The following ANK3 variants were observed in gnomAD, a reference collection of about 807,000 sequenced individuals.
The protein encoded by ANK3 is ankyrin 3, also known as ankyrin-3.
Under a neutral mutation model 370.9 loss-of-function variants are expected in ANK3, and 57 were observed. The ratio of observed to expected loss-of-function variants is 0.15; its 90% CI spans 0.12 to 0.19. The LOEUF (loss-of-function observed/expected upper bound fraction) is 0.19, where lower values mean the gene tolerates loss of function less well. Ranked by LOEUF, ANK3 falls within the 10% of genes least tolerant of loss-of-function variation. ANK3 has a pLI of 1.00. For missense variants in ANK3, 4,439 were observed against 5,302.1 expected (o/e 0.84, Z 5.06); for synonymous variants, 1,929 against 1,946.3 (o/e 0.99, Z 0.23).
chr10:60,442,893 T>C (rs372527361), intron 2 of ANK3, among the ~76,000 whole-genome samples: 61 of 152,320 alleles, frequency 4.0e-4, no homozygotes, highest in Admixed American at 1.6e-3. Context: ...AACATACTTA[T>C]AGAGACAATT....
intron 2 of ANK3, among the ~76,000 whole-genome samples, chr10:60,597,453 A>G (rs1446841543): frequency 6.6e-6 from 1 of 152,182 alleles, no homozygotes; most frequent in Non-Finnish European, 1.5e-5. Flanking sequence ...TACTGTATGT[A>G]TTTAGCAGCC....
chr10:60,037,612 G>T (rs771020130), intron 43 of ANK3, among the ~76,000 whole-genome samples: 1 of 144,726 alleles, frequency 6.9e-6, no homozygotes, highest in South Asian at 2.3e-4. Context: ...TCCTGCAAAG[G>T]ACATGCTCTC....
intron 2 of ANK3, among the ~76,000 whole-genome samples, chr10:60,462,617 T>C (rs1420181659): frequency 6.6e-6 from 1 of 150,892 alleles, no homozygotes; most frequent in Non-Finnish European, 1.5e-5. Context: ...TGGGCAGTCA[T>C]GTACTGTTAG....
intron 1 of ANK3, among the ~76,000 whole-genome samples, chr10:60,706,191 C>T (rs1469059768): frequency 6.6e-6 from 1 of 152,190 alleles, no homozygotes; most frequent in Admixed American, 6.5e-5. Flanking sequence ...GGCCATCTTG[C>T]ACAAGCACCA....
At chr10:60,638,672 G>A (rs980950460) in intron 1 of ANK3, among the ~76,000 whole-genome samples, 8 of 151,730 alleles carry the variant, frequency 5.3e-5, no homozygotes, top group Non-Finnish European at 7.4e-5. Flanking sequence ...ATAATAAAGA[G>A]AGAACTAAAA....
chr10:60,644,175 G>A lies in ANK3; in HGVS notation c.58-28951C>T, dbSNP rs147852510. Among the ~76,000 whole-genome samples the A allele has an allele frequency of 3.3e-5, 5 of 152,204 alleles. No individual in the cohort carries two copies. The South Asian group carries it at 6.2e-4, about 19-fold the overall frequency. On this transcript the variant is annotated intron_variant, in intron 1 of 43. Transcript: ENST00000373827. ...AGTAATGAATGTAAGATGACTTCTC[G>A]TCTCTTGGTTTTATCTACACTCACC...
rs914161361 is a variant in ANK3 at position 60,732,992 on chromosome 10, C to A, written c.57+271G>T. On this transcript the variant is annotated intron_variant, in intron 1 of 43. Transcript: ENST00000373827. The stretch of plus-strand genomic sequence containing the variant: ...CAAGCAGAAGCCCCAAGTCCTCGGG[C>A]CCCCCTCTCTCCTGGGGATGCTCCA... 4.6e-5 allele frequency among the ~76,000 whole-genome samples: 7 copies of A among 151,988 alleles called. No individual in the cohort carries two copies. The Middle Eastern group carries it at 0.01, about 222-fold the overall frequency.
At chr10:60,111,749 G>A (rs1283288338) in intron 26 of ANK3, 1 of 456,046 alleles carries the variant, frequency 2.2e-6, no homozygotes, top group Non-Finnish European at 4.4e-6. Flanking sequence ...ATCATACTGA[G>A]GAAGTGGAGA....
intron 13 of ANK3, among the ~76,000 whole-genome samples, chr10:60,198,979 GAGGA>G (rs1565625326): frequency 6.6e-6 from 1 of 152,202 alleles, no homozygotes; most frequent in African/African-American, 2.4e-5. Flanking sequence ...AGCAGAGTGT[GAGGA>G]AGGCAGTGTG....
intron 1 of ANK3, among the ~76,000 whole-genome samples, chr10:60,706,895 C>A (rs1358076682): frequency 6.6e-6 from 1 of 152,070 alleles, no homozygotes; most frequent in African/African-American, 2.4e-5. Context: ...TGAGTTTGAA[C>A]TTGAAATTCC....
chr10:60,160,084 T>A (rs1222818264), intron 23 of ANK3, among the ~76,000 whole-genome samples: 2 of 151,642 alleles, frequency 1.3e-5, no homozygotes, highest in African/African-American at 4.8e-5. Context: ...GTAGGAAAAA[T>A]TGAGACTAAA....
rs76944022 is a variant in ANK3, at chr10:60,053,364, T to C, written c.13065+2294A>G. Among the ~76,000 whole-genome samples, 719 of 152,296 alleles carry C rather than the reference T, an allele frequency of 4.7e-3. 3 individuals are homozygous for C. Among genetic ancestry groups the C allele is most frequent in the Non-Finnish European group, 8.2e-3 (556 of 68,034 alleles). ...GGGTGAATTCAAAAGTAGAAGAGCA[T>C]CTATGTTAAAGCAAACACAAACAAC... On this transcript the variant is annotated intron_variant, in intron 42 of 43. Transcript: ENST00000280772.
chr10:60,616,882 T>G (rs2078275044), intron 1 of ANK3, among the ~76,000 whole-genome samples: 1 of 152,210 alleles, frequency 6.6e-6, no homozygotes, highest in Non-Finnish European at 1.5e-5. Flanking sequence ...AAATGCTTTT[T>G]TATTTCATAG....
At chr10:60,131,622 C>G (rs772105669) in intron 25 of ANK3, among the ~76,000 whole-genome samples, 1 of 152,218 alleles carries the variant, frequency 6.6e-6, no homozygotes, top group Non-Finnish European at 1.5e-5. Context: ...GCTGCCCCCA[C>G]AGTCTACCTG....
chr10:60,658,222 T>TAA (rs201886631), intron 1 of ANK3, among the ~76,000 whole-genome samples: 3 of 149,350 alleles, frequency 2.0e-5, no homozygotes, highest in African/African-American at 7.4e-5. Flanking sequence ...GTTTGCCTTT[T>TAA]AAAAAAAAAA....
intron 2 of ANK3, among the ~76,000 whole-genome samples, chr10:60,603,545 C>T (rs1199289384): frequency 4.6e-5 from 7 of 151,974 alleles, no homozygotes; most frequent in Non-Finnish European, 7.4e-5. Flanking sequence ...TTCATTTCTT[C>T]AAATAATTTA....
chr10:60,318,168 C>G (rs745953407), intron 1 of ANK3, among the ~76,000 whole-genome samples: 14 of 152,044 alleles, frequency 9.2e-5, no homozygotes, highest in Non-Finnish European at 1.6e-4. Context: ...TAAATGTGTG[C>G]CATGGTGGTT....
At chr10:60,353,231 G>A (rs1296872152) in intron 1 of ANK3, among the ~76,000 whole-genome samples, 2 of 149,802 alleles carry the variant, frequency 1.3e-5, no homozygotes, top group East Asian at 2.0e-4. Context: ...GAGCTCAAGC[G>A]ATCCACCTGC....
At chr10:60,298,824 G>A (rs1011564366) in intron 1 of ANK3, among the ~76,000 whole-genome samples, 12 of 152,070 alleles carry the variant, frequency 7.9e-5, no homozygotes, top group African/African-American at 2.4e-4. Flanking sequence ...TTTAAGACTC[G>A]TTACAGCAAG....
Sources: allele counts gnomAD v4.1 joint callset (sites outside exome capture counted in the v4.1 genomes callset), GRCh38; gene constraint gnomAD v4.1.1; transcripts MANE v1.5; gene names NCBI Gene and HGNC (gene_info 2026-07-23, HGNC 2026-07-21).